ALK: variants seen among roughly 807,000 people sequenced by gnomAD.
ALK encodes ALK receptor tyrosine kinase.
In ALK, 74 loss-of-function variants were observed where a neutral mutation model predicts 163.1. The ratio of observed to expected loss-of-function variants is 0.45; its 90% CI spans 0.38 to 0.55. The LOEUF (loss-of-function observed/expected upper bound fraction) is 0.55. Ranked by LOEUF, ALK falls within the 20% of genes least tolerant of loss-of-function variation. ALK has a pLI of 0.00. For missense variants in ALK, 2,063 were observed against 2,105.3 expected, an observed-to-expected ratio of 0.98 and a Z score of 0.39; for synonymous variants, 960 against 843.2, an observed-to-expected ratio of 1.14 and a Z score of -2.40.
chr2:29,333,709 C>T (rs143324999), intron 5 of ALK, among the ~76,000 whole-genome samples: 23 of 152,216 alleles, frequency 1.5e-4, no homozygotes, highest in East Asian at 5.8e-4. Flanking sequence ...TTGACCTTCC[C>T]GACCTCGGGT....
At chr2:29,765,034 C>T (rs1164006050) in intron 1 of ALK, among the ~76,000 whole-genome samples, 2 of 152,118 alleles carry the variant, frequency 1.3e-5, no homozygotes, top group Non-Finnish European at 1.5e-5. Context: ...TCTGCTCTGG[C>T]CACATATGAC....
At chr2:29,702,824 C>T (rs1385704238) in intron 2 of ALK, among the ~76,000 whole-genome samples, 2 of 152,210 alleles carry the variant, frequency 1.3e-5, no homozygotes, top group Non-Finnish European at 2.9e-5. Flanking sequence ...ATGAGAACAG[C>T]ACAGGAAAAA....
chr2:29,792,177 C>G (rs561891189), intron 1 of ALK, among the ~76,000 whole-genome samples: 95 of 152,264 alleles, frequency 6.2e-4, no homozygotes, highest in African/African-American at 2.3e-3. Context: ...AATTCTCTAA[C>G]TATACATTAG....
chr2:29,360,489 G>A (rs1484219785), intron 5 of ALK, among the ~76,000 whole-genome samples: 2 of 152,172 alleles, frequency 1.3e-5, no homozygotes, highest in Non-Finnish European at 2.9e-5. Context: ...GGCTCGTCCT[G>A]CCCACGATGG....
chr2:29,614,823 C>A (rs947886100), intron 3 of ALK, among the ~76,000 whole-genome samples: 3 of 152,110 alleles, frequency 2.0e-5, no homozygotes, highest in Non-Finnish European at 4.4e-5. Flanking sequence ...CAGACAACTT[C>A]CCCCTCCCCT....
intron 3 of ALK, among the ~76,000 whole-genome samples, chr2:29,664,813 C>T (rs145490554): frequency 3.3e-5 from 5 of 152,122 alleles, no homozygotes; most frequent in East Asian, 1.9e-4. Context: ...CCTTTCACTT[C>T]GTCCTCACAA....
At chr2:29,232,528 C>T in intron 14 of ALK, 80 bp from the exon 15 acceptor site, 1 of 1,589,436 alleles carries the variant, frequency 6.3e-7, no homozygotes, top group Non-Finnish European at 8.6e-7. Context: ...TAAATTCAAC[C>T]TGACTGAGGG....
chr2:29,225,426 C>A (rs368299771), intron 19 of ALK, 35 bp downstream of exon 19: 1 of 1,556,168 alleles, frequency 6.4e-7, no homozygotes, highest in Non-Finnish European at 8.8e-7. Flanking sequence ...TGCCTTCCTG[C>A]CCCCTTGGGA....
At chr2:29,690,782 T>G (rs906533295) in intron 3 of ALK, among the ~76,000 whole-genome samples, 1 of 152,250 alleles carries the variant, frequency 6.6e-6, no homozygotes, top group Non-Finnish European at 1.5e-5. Flanking sequence ...TTGATTGGTA[T>G]CATCTTGCTG....
chr2:29,697,203 G>T (rs187260438), intron 2 of ALK, among the ~76,000 whole-genome samples: 2 of 152,252 alleles, frequency 1.3e-5, no homozygotes, highest in East Asian at 3.9e-4. Context: ...TAGGTAACTG[G>T]AATTTCCTCA....
At chr2:29,894,627 A>G (rs1193607950) in intron 1 of ALK, among the ~76,000 whole-genome samples, 2 of 152,108 alleles carry the variant, frequency 1.3e-5, no homozygotes, top group Non-Finnish European at 2.9e-5. Context: ...AATGACTTCA[A>G]GTCCAGGATA....
chr2:29,527,058 G>T (rs1178933545), intron 4 of ALK, among the ~76,000 whole-genome samples: 1 of 152,188 alleles, frequency 6.6e-6, no homozygotes, highest in East Asian at 1.9e-4. Context: ...AGGATAGGTT[G>T]CTGGCATTGC....
chr2:29,576,060 C>A (rs1322036117), intron 3 of ALK, among the ~76,000 whole-genome samples: 3 of 152,166 alleles, frequency 2.0e-5, no homozygotes. Flanking sequence ...GCAGTTATCC[C>A]ATTTCATAAT....
intron 1 of ALK, among the ~76,000 whole-genome samples, chr2:29,750,896 C>T (rs554030848): frequency 1.3e-5 from 2 of 152,024 alleles, no homozygotes; most frequent in Admixed American, 6.5e-5. Context: ...ATGGTGAAAC[C>T]CCATCTCTAC....
At chr2:29,656,942 G>T (rs960563660) in intron 3 of ALK, among the ~76,000 whole-genome samples, 1 of 152,196 alleles carries the variant, frequency 6.6e-6, no homozygotes, top group African/African-American at 2.4e-5. Flanking sequence ...AGGGCATGGT[G>T]TCTCCCTCTT....
At chr2:29,675,454 T>C (rs577610412) in intron 3 of ALK, among the ~76,000 whole-genome samples, 162 of 152,016 alleles carry the variant, frequency 1.1e-3, no homozygotes, top group African/African-American at 3.8e-3. Flanking sequence ...AAAGGCAGCC[T>C]GCGTCTTCCT....
At chr2:29,271,868 G>A (rs1360766195) in intron 11 of ALK, among the ~76,000 whole-genome samples, 1 of 152,212 alleles carries the variant, frequency 6.6e-6, no homozygotes, top group Non-Finnish European at 1.5e-5. Flanking sequence ...TGATGCCAAG[G>A]CTCCATAGTT....
chr2:29,800,131 G>C (rs189663130), intron 1 of ALK, among the ~76,000 whole-genome samples: 2 of 152,326 alleles, frequency 1.3e-5, no homozygotes, highest in East Asian at 3.9e-4. Context: ...GAGGGGTGGA[G>C]AGGAATGTGA....
In ALK at chr2:29,227,761, G is replaced by C; in HGVS notation, c.2816-89C>G. The C allele has an allele frequency of 1.9e-6, 2 of 1,063,566 alleles. No homozygotes were observed. Among genetic ancestry groups the C allele is most frequent in the Non-Finnish European group, 2.9e-6 (2 of 686,336 alleles). 65.9% of individuals were successfully genotyped at this position (1,063,566 alleles called of 1,614,324 possible). A position where few individuals can be genotyped will look rare whatever the true frequency, so the allele number is the denominator to read the frequency against. ...CACGTCAGTGGGGCATGCAGCTCTG[G>C]CCAAAGTTAGGGGGTCACTGGGGAC... On this transcript the variant is annotated intron_variant, in intron 16 of 28. Coordinates refer to ENST00000389048, the MANE Select transcript of ALK (RefSeq NM_004304.5). This position sits in a 1 kb window ranked among gnomAD's most constrained non-coding sequence, Gnocchi z 4.4.
Sources: gnomAD v4.1 joint callset for allele counts (sites outside exome capture counted in the v4.1 genomes callset) on GRCh38, gnomAD v4.1.1 for gene constraint, Gnocchi (gnomAD v3.1) non-coding constraint, MANE v1.5 for transcripts, NCBI Gene and HGNC (gene_info 2026-07-23, HGNC 2026-07-21) for gene names.